POC1B: variants seen among roughly 807,000 people sequenced by gnomAD.
The protein encoded by POC1B is POC1 centriolar protein B.
Under a neutral mutation model 60.6 loss-of-function variants are expected in POC1B, and 44 were observed. That is an observed-to-expected ratio of 0.73 (90% CI 0.57 to 0.93). POC1B has a LOEUF of 0.93. Ranked by LOEUF, POC1B falls within the 40% of genes least tolerant of loss-of-function variation. The pLI is 0.00. For synonymous variants in POC1B, 180 were observed against 198.9 expected (o/e 0.90, Z 0.80); for missense variants, 555 against 572.3 (o/e 0.97, Z 0.31).
chr12:89,494,607 C>T (rs1869151161), intron 3 of POC1B, among the ~76,000 whole-genome samples: 1 of 152,158 alleles, frequency 6.6e-6, no homozygotes, highest in African/African-American at 2.4e-5. Flanking sequence ...GTTTATTTCT[C>T]CTCCCTTTGG....
chr12:89,470,554 C>T (rs1320169333), intron 6 of POC1B, 60 bp from the exon 7 acceptor site: 30 of 1,379,220 alleles, frequency 2.2e-5, no homozygotes, highest in Non-Finnish European at 2.8e-5. Flanking sequence ...TTGAAGATAC[C>T]CCAGTGCCTT....
At chr12:89,478,412 C>T (rs1448235435) in intron 4 of POC1B, among the ~76,000 whole-genome samples, 1 of 152,184 alleles carries the variant, frequency 6.6e-6, no homozygotes, top group Non-Finnish European at 1.5e-5. Flanking sequence ...AAACACCACG[C>T]CTGGCCCCAC....
At chr12:89,507,086 G>A (rs1390772525) in intron 2 of POC1B, among the ~76,000 whole-genome samples, 3 of 151,282 alleles carry the variant, frequency 2.0e-5, no homozygotes, top group African/African-American at 4.9e-5. Flanking sequence ...GCTGGGCAAC[G>A]TCTCGAAACC....
At chr12:89,504,525 C>T (rs1366201476) in intron 2 of POC1B, among the ~76,000 whole-genome samples, 2 of 151,924 alleles carry the variant, frequency 1.3e-5, no homozygotes, top group Non-Finnish European at 2.9e-5. Context: ...ACTTGTTTAT[C>T]TGCTGACCTT....
chr12:89,413,232 G>T, the POC1B span, among the ~76,000 whole-genome samples: 3 of 150,762 alleles, frequency 2.0e-5, no homozygotes, highest in Admixed American at 6.6e-5. Flanking sequence ...TAGAAACAGG[G>T]TCTCACTATG....
chr12:89,508,118 C>G (rs1043727608), intron 2 of POC1B, among the ~76,000 whole-genome samples: 2 of 152,190 alleles, frequency 1.3e-5, no homozygotes, highest in Admixed American at 6.5e-5. Flanking sequence ...TGTGCTTATA[C>G]AAATGTGTGT....
chr12:89,476,751 T>TAGATAGATAGATAGAC (rs1883132123), intron 4 of POC1B, among the ~76,000 whole-genome samples: 10 of 104,946 alleles, frequency 9.5e-5, no homozygotes, highest in African/African-American at 3.4e-4. Flanking sequence ...GATAGATAGA[T>TAGATAGATAGATAGAC]AGATAGATAG....
chr12:89,479,997 T>C (rs1453611084), intron 4 of POC1B, among the ~76,000 whole-genome samples: 2 of 152,214 alleles, frequency 1.3e-5, no homozygotes, highest in African/African-American at 4.8e-5. Context: ...AAATGCCACA[T>C]TTATTGTAAG....
At chr12:89,411,176 G>A in the POC1B span, among the ~76,000 whole-genome samples, 3 of 152,162 alleles carry the variant, frequency 2.0e-5, no homozygotes, top group Non-Finnish European at 4.4e-5. Flanking sequence ...AATTAATATC[G>A]TGACAATGGC....
At chr12:89,525,018 G>A (rs1020790487) in intron 2 of POC1B, 102 bp downstream of exon 2, 1 of 1,520,928 alleles carries the variant, frequency 6.6e-7, no homozygotes, top group African/African-American at 1.4e-5. Context: ...CCTCATACAG[G>A]CCCTTAGCCG....
the POC1B span, among the ~76,000 whole-genome samples, chr12:89,411,376 G>A: frequency 6.6e-6 from 1 of 152,154 alleles, no homozygotes; most frequent in Non-Finnish European, 1.5e-5. Context: ...ATCATCTCTG[G>A]TTGTTTTATA....
At chr12:89,482,224 T>C (rs921109954) in intron 4 of POC1B, among the ~76,000 whole-genome samples, 4 of 152,142 alleles carry the variant, frequency 2.6e-5, no homozygotes, top group Non-Finnish European at 5.9e-5. Context: ...ATACAGTTAA[T>C]TGGATCCTAC....
the POC1B span, among the ~76,000 whole-genome samples, chr12:89,403,159 C>T: frequency 5.9e-5 from 9 of 152,076 alleles, no homozygotes; most frequent in East Asian, 9.7e-4. Flanking sequence ...AGACGCCCGC[C>T]ACCACACCCA....
intron 4 of POC1B, among the ~76,000 whole-genome samples, chr12:89,485,857 AC>A (rs1244284692): frequency 3.9e-5 from 6 of 152,082 alleles, no homozygotes; most frequent in Admixed American, 2.6e-4. Context: ...TTTTTGCACA[AC>A]CCCTGACCCT....
downstream of POC1B, among the ~76,000 whole-genome samples, chr12:89,415,860 G>C (rs1048063674): frequency 2.7e-5 from 4 of 147,000 alleles, no homozygotes; most frequent in Admixed American, 2.1e-4. Flanking sequence ...AGTTTTTCTG[G>C]CTTATAAGAC....
chr12:89,491,811 C>G, intron 4 of POC1B, 125 bp downstream of exon 4: 1 of 763,506 alleles, frequency 1.3e-6, no homozygotes, highest in Non-Finnish European at 2.0e-6. Context: ...ACAAAGCAGT[C>G]ACACAACAAA....
At chr12:89,475,101 T>C (rs552182478) in intron 4 of POC1B, among the ~76,000 whole-genome samples, 1 of 152,056 alleles carries the variant, frequency 6.6e-6, no homozygotes, top group Non-Finnish European at 1.5e-5. Flanking sequence ...ACAAAAAACA[T>C]AATTTTAGAA....
At chr12:89,514,010 C>T (rs977363440) in intron 2 of POC1B, among the ~76,000 whole-genome samples, 4 of 152,200 alleles carry the variant, frequency 2.6e-5, no homozygotes, top group Non-Finnish European at 5.9e-5. Context: ...CCTCTTCCCT[C>T]TCATCACCTT....
chr12:89,466,908 C>G lies in POC1B; in HGVS notation c.894G>C (p.Arg298Ser). 1 of 1,611,970 alleles carries G rather than the reference C, an allele frequency of 6.2e-7. No homozygotes were observed. The highest frequency in any genetic ancestry group is 8.5e-7 in the Non-Finnish European group (1 of 1,178,954). Reference sequence around the variant, plus strand: ...TACAATGCAATTCATCAAAGTTAGTCCTCCATAATAAGACCTATGAAAAAA... The same window carrying G: ...TACAATGCAATTCATCAAAGTTAGTGCTCCATAATAAGACCTATGAAAAAA... ...GGADTQVLLW[R>S]TNFDELHCKG... Residue 298 changes from arginine (R) to serine (S), a missense_variant, in exon 9 of 12, where the codon AGG (arginine) becomes AGC (serine). Physicochemically the swap from Arg to Ser is moderately radical, Grantham distance 110. Transcript: ENST00000313546.
Sources: gnomAD v4.1 joint callset for allele counts (sites outside exome capture counted in the v4.1 genomes callset) on GRCh38, gnomAD v4.1.1 for gene constraint, MANE v1.5 for transcripts, NCBI Gene and HGNC (gene_info 2026-07-23, HGNC 2026-07-21) for gene names.